Variants in ARSG observed in about 807,000 individuals in gnomAD.
ARSG encodes arylsulfatase G.
In ARSG, 37 loss-of-function variants were observed where a neutral mutation model predicts 50.5. The observed-to-expected ratio is 0.73, with a 90% CI of 0.56 to 0.96. The LOEUF is 0.96. Among genes scored for constraint, ARSG ranks in the 50% least tolerant of loss-of-function variants. The pLI is 0.00. For synonymous variants in ARSG, 225 were observed against 254.6 expected, an observed-to-expected ratio of 0.88 and a Z score of 1.11; for missense variants, 629 against 675.3, an observed-to-expected ratio of 0.93 and a Z score of 0.76.
chr17:68,438,225 C>A, the ARSG span, among the ~76,000 whole-genome samples: 28 of 149,680 alleles, frequency 1.9e-4, no homozygotes, highest in African/African-American at 6.8e-4. Context: ...AGCCCCGGAA[C>A]CTTTAACTGC....
intron 9 of ARSG, 79 bp from the exon 10 acceptor site, chr17:68,394,994 T>G (rs1600077292): frequency 6.3e-7 from 1 of 1,586,730 alleles, no homozygotes; most frequent in Non-Finnish European, 8.6e-7. Context: ...TCTGGGCTGG[T>G]TCAGGTGGGG....
At chr17:68,320,022 G>C (rs1437936657) in intron 2 of ARSG, among the ~76,000 whole-genome samples, 1 of 151,588 alleles carries the variant, frequency 6.6e-6, no homozygotes, top group Non-Finnish European at 1.5e-5. Flanking sequence ...TGCGGTGGCT[G>C]ACGCCTGTAA....
intron 2 of ARSG, among the ~76,000 whole-genome samples, chr17:68,337,936 A>G (rs2078099545): frequency 6.6e-6 from 1 of 152,120 alleles, no homozygotes; most frequent in African/African-American, 2.4e-5. Flanking sequence ...TCTTCTTTCC[A>G]AAAGCATACA....
chr17:68,308,462 C>T (rs530575337), intron 2 of ARSG, among the ~76,000 whole-genome samples: 10 of 152,108 alleles, frequency 6.6e-5, no homozygotes, highest in Non-Finnish European at 1.0e-4. Flanking sequence ...TCGTTCCTCC[C>T]GGTGGGCTCG....
intron 1 of ARSG, among the ~76,000 whole-genome samples, chr17:68,281,986 C>T (rs1299672365): frequency 1.3e-5 from 2 of 152,164 alleles, no homozygotes; most frequent in African/African-American, 4.8e-5. Flanking sequence ...TTTGACCCAG[C>T]CATCCCATTA....
chr17:68,377,417 GTC>G (rs1416437658), intron 8 of ARSG, among the ~76,000 whole-genome samples: 3 of 152,222 alleles, frequency 2.0e-5, no homozygotes, highest in African/African-American at 7.2e-5. Context: ...CCTTGCAACA[GTC>G]TGAATCTTTC....
chr17:68,428,606 TTG>T, the ARSG span: 1 of 489,434 alleles, frequency 2.0e-6, no homozygotes, highest in African/African-American at 2.0e-5. Flanking sequence ...GGAGACCATC[TTG>T]TGTGTTATTA....
intron 9 of ARSG, among the ~76,000 whole-genome samples, chr17:68,386,700 T>C (rs2080742261): frequency 6.6e-6 from 1 of 152,050 alleles, no homozygotes; most frequent in African/African-American, 2.4e-5. Context: ...AAAGTGCTTA[T>C]CAAGAGGGGC....
the ARSG span, among the ~76,000 whole-genome samples, chr17:68,439,922 TTG>T: frequency 1.3e-5 from 2 of 152,118 alleles, no homozygotes; most frequent in African/African-American, 4.8e-5. Flanking sequence ...CTAAGCAGTC[TTG>T]GAGCAGAAGC....
chr17:68,287,167 A>G (rs1449947993), upstream of ARSG, among the ~76,000 whole-genome samples: 2 of 152,054 alleles, frequency 1.3e-5, no homozygotes, highest in African/African-American at 2.4e-5. Context: ...TTTAGTAGAG[A>G]TGGAGTTTCA....
intron 8 of ARSG, among the ~76,000 whole-genome samples, chr17:68,373,635 G>C (rs371308589): frequency 6.6e-6 from 1 of 152,238 alleles, no homozygotes; most frequent in African/African-American, 2.4e-5. Flanking sequence ...AATTTGAGTC[G>C]GGGTCAGGAG....
At chr17:68,393,484 G>A (rs536863384) in intron 9 of ARSG, among the ~76,000 whole-genome samples, 1 of 152,144 alleles carries the variant, frequency 6.6e-6, no homozygotes, top group Non-Finnish European at 1.5e-5. Context: ...TGGCCCCAAC[G>A]TGCAAGAGCA....
rs1187466141 is a variant in ARSG, at chr17:68,351,697, C to G, written c.566+11C>G. The stretch of plus-strand genomic sequence containing the variant: ...TGATGGACCATCAAGGTAATGCTGT[C>G]TGACACATTTGCGATAGGCTCCAGG... On this transcript the variant is annotated intron_variant, in intron 5 of 11. Transcript: ENST00000621439. 1 of 1,572,210 alleles carries G rather than the reference C, an allele frequency of 6.4e-7. No individual in the cohort carries two copies. The highest frequency in any genetic ancestry group is 8.8e-7 in the Non-Finnish European group (1 of 1,141,930).
In ARSG at chr17:68,282,779, T is replaced by TAAAAAAAAA. The variant is rs36155626; in HGVS notation, c.-552+23366_-552+23374dup. ...CAACATAGTGAAACCCCATCTCTAC[T>TAAAAAAAAA]AAAAAAAAAAAAAAAAAAAAAGGCC... On this transcript the variant is annotated intron_variant, in intron 1 of 11. Transcript: ENST00000448504. Among the ~76,000 whole-genome samples the TAAAAAAAAA allele has an allele frequency of 1.3e-3, 67 of 53,392 alleles. 5 individuals are homozygous for TAAAAAAAAA. Among genetic ancestry groups the TAAAAAAAAA allele is most frequent in the African/African-American group, 5.5e-3 (59 of 10,784 alleles). 35.0% of individuals were successfully genotyped at this position (53,392 alleles called of 152,430 possible).
At chr17:68,392,958 C>T (rs747189359) in intron 9 of ARSG, among the ~76,000 whole-genome samples, 2 of 152,244 alleles carry the variant, frequency 1.3e-5, no homozygotes, top group Non-Finnish European at 2.9e-5. Flanking sequence ...CTGTCCCACA[C>T]TGTTTCCTCT....
intron 8 of ARSG, among the ~76,000 whole-genome samples, chr17:68,376,268 G>A (rs756843258): frequency 1.0e-4 from 11 of 105,548 alleles, no homozygotes; most frequent in African/African-American, 3.3e-4. Context: ...GTGCCACTGC[G>A]CCCCCTGCAT....
intron 2 of ARSG, among the ~76,000 whole-genome samples, chr17:68,334,454 T>G (rs2146092566): frequency 6.6e-6 from 1 of 152,232 alleles, no homozygotes; most frequent in South Asian, 2.1e-4. Context: ...GAACCAAACC[T>G]TATCTTATGA....
At chr17:68,341,997 T>G (rs1444217745) in intron 2 of ARSG, among the ~76,000 whole-genome samples, 1 of 151,696 alleles carries the variant, frequency 6.6e-6, no homozygotes, top group Non-Finnish European at 1.5e-5. Context: ...TTTTTGTATT[T>G]TTTGTGGAGA....
At chr17:68,418,912 C>T (rs72841871) in intron 11 of ARSG, among the ~76,000 whole-genome samples, 276 of 151,822 alleles carry the variant, frequency 1.8e-3, no homozygotes, top group Non-Finnish European at 3.2e-3. Context: ...TGTTTAGGAA[C>T]TCTTGTAATT....
Sources: allele counts gnomAD v4.1 joint callset (sites outside exome capture counted in the v4.1 genomes callset), GRCh38; gene constraint gnomAD v4.1.1; transcripts MANE v1.5; gene names NCBI Gene and HGNC (gene_info 2026-07-23, HGNC 2026-07-21).